The following RAB8A variants were observed in gnomAD, a reference collection of about 807,000 sequenced individuals.
RAB8A encodes the protein ras-related protein Rab-8A.
RAB8A carries 5 observed loss-of-function variants against 29.2 expected under a neutral mutation model. The observed-to-expected ratio is 0.17, with a 90% CI of 0.09 to 0.36. RAB8A has a LOEUF of 0.36. Among genes scored for constraint, RAB8A ranks in the 10% least tolerant of loss-of-function variants. The probability of loss-of-function intolerance (pLI) is 1.00; values close to 1 mark genes in which losing one functional copy is unlikely to be tolerated. For missense variants in RAB8A, 171 were observed against 272.2 expected, an observed-to-expected ratio of 0.63 and a Z score of 2.62; for synonymous variants, 108 against 99.9, an observed-to-expected ratio of 1.08 and a Z score of -0.49.
In RAB8A at chr19:16,116,938, G is replaced by GC. The variant is rs986394544; in HGVS notation, c.125-1281dup. On this transcript the variant is annotated intron_variant, in intron 1 of 7. Transcript: ENST00000300935. ...ACCAACCCTTCCAGTTTCCCCATGTGCCCCCCCAGCCCCAGACAACTGCTA... is the reference window on the plus strand; with the variant it reads ...ACCAACCCTTCCAGTTTCCCCATGTGCCCCCCCCAGCCCCAGACAACTGCTA... Among the ~76,000 whole-genome samples, 7 of 149,928 alleles carry GC rather than the reference G, an allele frequency of 4.7e-5. No individual in the cohort carries two copies. In the South Asian group the frequency reaches 6.3e-4, roughly 14 times the overall value.
At chr19:16,129,521 A>T in intron 6 of RAB8A, 33 bp from the exon 7 acceptor site, 4 of 1,611,640 alleles carry the variant, frequency 2.5e-6, no homozygotes, top group Non-Finnish European at 3.4e-6. Flanking sequence ...GGGTCCTGCC[A>T]TCCCAAGGAC....
At chr19:16,113,812 C>T (rs2090834458) in intron 1 of RAB8A, among the ~76,000 whole-genome samples, 1 of 152,190 alleles carries the variant, frequency 6.6e-6, no homozygotes, top group Non-Finnish European at 1.5e-5. Flanking sequence ...CACTACCCCT[C>T]TCTGAGCCCT....
rs2090834614 is a variant in RAB8A at position 16,113,869 on chromosome 19, T to TG, written c.124+1846dup. 2.0e-5 allele frequency among the ~76,000 whole-genome samples: 3 copies of TG among 152,270 alleles called. No homozygotes were observed. The South Asian group carries it at 6.2e-4, about 32-fold the overall frequency. On this transcript the variant is annotated intron_variant, in intron 1 of 7. Transcript: ENST00000300935. ...ACACTGTCTGCCCAGCCTAGTGCCCTGGTGGTTGAGGATTAGAATTAGACA... is the reference window on the plus strand; with the variant it reads ...ACACTGTCTGCCCAGCCTAGTGCCCTGGGTGGTTGAGGATTAGAATTAGACA...
Position 16,125,899 on chromosome 19 carries a change from G to A in RAB8A, c.324+352G>A, listed in dbSNP as rs1001292635. The A allele has an allele frequency of 1.7e-5, 7 of 404,236 alleles. No homozygotes were observed. The highest frequency in any genetic ancestry group is 3.6e-5 in the Admixed American group (1 of 28,110). 25.0% of individuals were successfully genotyped at this position (404,236 alleles called of 1,614,324 possible). ...TAGCACAGGTGTGACCCTTGTAGTT[G>A]GAGGGTGTGGTGAGCAGGCGTCAGT... On this transcript the variant is annotated intron_variant, in intron 4 of 7. Coordinates refer to ENST00000300935, the MANE Select transcript of RAB8A (RefSeq NM_005370.5). This position sits in a 1 kb window ranked among gnomAD's most constrained non-coding sequence, Gnocchi z 5.0.
Position 16,127,984 on chromosome 19 carries a change from C to A in RAB8A, c.415-42C>A. ...TGTTTTAGGCAAGCTCAGATGCGCC[C>A]GGCGGCTGGTGTGCTCATGCGTGTG... On this transcript the variant is annotated intron_variant, in intron 5 of 7. Coordinates refer to ENST00000300935, the MANE Select transcript of RAB8A (RefSeq NM_005370.5). This position sits in a 1 kb window ranked among gnomAD's most constrained non-coding sequence, Gnocchi z 4.8. 1 of 1,603,896 alleles carries A rather than the reference C, an allele frequency of 6.2e-7. No individual in the cohort carries two copies. The highest frequency in any genetic ancestry group is 1.1e-5 in the South Asian group (1 of 90,864).
rs568382900 is a variant in RAB8A, at chr19:16,118,089, C to T, written c.125-137C>T. ...GTGTTTCCAGATCTGGATATTCCGA[C>T]ATCCTGCATGCCCAGCACCAGGCAG... On this transcript the variant is annotated intron_variant, in intron 1 of 7. Coordinates refer to ENST00000300935, the MANE Select transcript of RAB8A (RefSeq NM_005370.5). 6.6e-5 allele frequency: 45 copies of T among 679,766 alleles called. 1 individual carries two copies. In the South Asian group the frequency reaches 7.5e-4, roughly 11 times the overall value. 42.1% of individuals were successfully genotyped at this position (679,766 alleles called of 1,614,324 possible). A position where few individuals can be genotyped will look rare whatever the true frequency, so the allele number is the denominator to read the frequency against.
rs766469892 is a variant in RAB8A at position 16,127,419 on chromosome 19, T to C, written c.325-18T>C. On this transcript the variant is annotated intron_variant, in intron 4 of 7. Coordinates refer to ENST00000300935, the MANE Select transcript of RAB8A (RefSeq NM_005370.5). This position sits in a 1 kb window ranked among gnomAD's most constrained non-coding sequence, Gnocchi z 4.8. ...GTGTCATCCGGTCTGATCCCCCGTC[T>C]GTCCCCCTCCCTCTCAGCACGCCTC... The C allele has an allele frequency of 9.7e-6, 14 of 1,450,480 alleles. No individual in the cohort carries two copies. The highest frequency in any genetic ancestry group is 1.1e-5 in the Non-Finnish European group (12 of 1,095,194). The allele number at this position is 1,450,480 out of a possible 1,614,324, so 89.9% of individuals were successfully genotyped here. A position where few individuals can be genotyped will look rare whatever the true frequency, so the allele number is the denominator to read the frequency against.
At chr19:16,120,250 G>A (rs1183079422) in intron 2 of RAB8A, among the ~76,000 whole-genome samples, 1 of 151,954 alleles carries the variant, frequency 6.6e-6, no homozygotes, top group Non-Finnish European at 1.5e-5. Flanking sequence ...GGAACCCTGG[G>A]CTTGGAGACA....
Position 16,132,340 on chromosome 19 carries a change from G to A in RAB8A, c.*36G>A, listed in dbSNP as rs1479061937. 6.3e-7 allele frequency: 1 copy of A among 1,598,508 alleles called. No homozygotes were observed. The highest frequency in any genetic ancestry group is 2.2e-5 in the East Asian group (1 of 44,616). ...CTTACTCTGAGCCTCGCTCAGCCCAGCTGACTGTGCCTGTTCTGAGTGAGC... is the reference window on the plus strand; with the variant it reads ...CTTACTCTGAGCCTCGCTCAGCCCAACTGACTGTGCCTGTTCTGAGTGAGC... On this transcript the variant is annotated 3_prime_UTR_variant, in exon 8 of 8. Transcript: ENST00000300935. This position sits in a 1 kb window ranked among gnomAD's most constrained non-coding sequence, Gnocchi z 5.6.
chr19:16,129,226 C>A (rs974977599), intron 6 of RAB8A, among the ~76,000 whole-genome samples: 4 of 152,336 alleles, frequency 2.6e-5, no homozygotes, highest in African/African-American at 9.6e-5. Context: ...CTCTCTGAGC[C>A]TCAGTTTCCT....
chr19:16,112,135 G>T (rs1240947978), intron 1 of RAB8A, 110 bp downstream of exon 1: 2 of 1,442,408 alleles, frequency 1.4e-6, no homozygotes, highest in Non-Finnish European at 9.4e-7. Flanking sequence ...GGCGCTGAGA[G>T]GGTCGAGGGG....
At chr19:16,114,803 A>T (rs2090839553) in intron 1 of RAB8A, among the ~76,000 whole-genome samples, 2 of 150,186 alleles carry the variant, frequency 1.3e-5, no homozygotes, top group East Asian at 3.9e-4. Context: ...TGACCCTAAG[A>T]TCCCTCCCTC....
At chr19:16,116,663 T>C (rs1455190463) in intron 1 of RAB8A, among the ~76,000 whole-genome samples, 2 of 151,970 alleles carry the variant, frequency 1.3e-5, no homozygotes, top group Non-Finnish European at 2.9e-5. Context: ...GGTGAAACCC[T>C]GTCTCTACTA....
At chr19:16,112,253 C>G in intron 1 of RAB8A, 1 of 564,534 alleles carries the variant, frequency 1.8e-6, no homozygotes, top group Non-Finnish European at 3.1e-6. Flanking sequence ...AGGCTCCGAC[C>G]CTCAGCCCGC....
Position 16,125,249 on chromosome 19 carries a change from C to A in RAB8A, c.247-221C>A, listed in dbSNP as rs2090894149. ...AGGGTCACCTCAGCGGCCCGGGGGGCAGGACAAGGCTGGTGCCAGAACCCA... is the reference window on the plus strand; with the variant it reads ...AGGGTCACCTCAGCGGCCCGGGGGGAAGGACAAGGCTGGTGCCAGAACCCA... On this transcript the variant is annotated intron_variant, in intron 3 of 7. Coordinates refer to ENST00000300935, the MANE Select transcript of RAB8A (RefSeq NM_005370.5). This position sits in a 1 kb window ranked among gnomAD's most constrained non-coding sequence, Gnocchi z 5.0. The A allele has an allele frequency of 1.7e-6, 1 of 590,666 alleles. No homozygotes were observed. Among genetic ancestry groups the A allele is most frequent in the African/African-American group, 1.9e-5 (1 of 53,768 alleles). The allele number at this position is 590,666 out of a possible 1,614,324, so 36.6% of individuals were successfully genotyped here.
rs1440445909 is a variant in RAB8A at position 16,127,913 on chromosome 19, A to G, written c.415-113A>G. 1 of 1,064,364 alleles carries G rather than the reference A, an allele frequency of 9.4e-7. No homozygotes were observed. Among genetic ancestry groups the G allele is most frequent in the Non-Finnish European group, 1.4e-6 (1 of 690,804 alleles). 65.9% of individuals were successfully genotyped at this position (1,064,364 alleles called of 1,614,324 possible). On this transcript the variant is annotated intron_variant, in intron 5 of 7. Transcript: ENST00000300935. This position sits in a 1 kb window ranked among gnomAD's most constrained non-coding sequence, Gnocchi z 4.8. ...TCCAGGAAGTCACGCCCACAGCCCC[A>G]GCCCTGTTGCTGCTCCCTCTTGGCG...
In RAB8A at chr19:16,133,714, G is replaced by A. The variant is rs1281696333; in HGVS notation, c.*1410G>A. On this transcript the variant is annotated 3_prime_UTR_variant, in exon 8 of 8. Coordinates refer to ENST00000300935, the MANE Select transcript of RAB8A (RefSeq NM_005370.5). ...GGGGGTGGGTCTGGACAAGATGGTA[G>A]AGCCCATGGATTACCCCATCGAGCG... 6.6e-6 allele frequency: 1 copy of A among 152,548 alleles called. No individual in the cohort carries two copies. Among genetic ancestry groups the A allele is most frequent in the Non-Finnish European group, 1.5e-5 (1 of 68,076 alleles). 9.4% of individuals were successfully genotyped at this position (152,548 alleles called of 1,614,324 possible).
At chr19:16,113,042 T>C (rs11086024) in intron 1 of RAB8A, among the ~76,000 whole-genome samples, 99,472 of 152,140 alleles carry the variant, frequency 0.65, 32,723 homozygotes, top group Admixed American at 0.71. Context: ...CAGCTTTTCC[T>C]GTAGGGCCAG....
rs1304796048 is a variant in RAB8A, at chr19:16,133,995, G to T, written c.*1691G>T. 1 of 152,298 alleles carries T rather than the reference G, an allele frequency of 6.6e-6. No individual in the cohort carries two copies. Among genetic ancestry groups the T allele is most frequent in the Non-Finnish European group, 1.5e-5 (1 of 68,148 alleles). The allele number at this position is 152,298 out of a possible 1,614,324, so 9.4% of individuals were successfully genotyped here. A position where few individuals can be genotyped will look rare whatever the true frequency, so the allele number is the denominator to read the frequency against. On this transcript the variant is annotated 3_prime_UTR_variant, in exon 8 of 8. Coordinates refer to ENST00000300935, the MANE Select transcript of RAB8A (RefSeq NM_005370.5). ...CCTTCTAGGGGCCCTCTCCTGGCTG[G>T]CTTTCCAGGGCATTCCTTCCACTCT...
Sources: allele counts gnomAD v4.1 joint callset (sites outside exome capture counted in the v4.1 genomes callset), GRCh38; gene constraint gnomAD v4.1.1; non-coding constraint Gnocchi (gnomAD v3.1); transcripts MANE v1.5; gene names NCBI Gene and HGNC (gene_info 2026-07-23, HGNC 2026-07-21).